OPCML: variants seen among roughly 807,000 people sequenced by gnomAD.
The protein encoded by OPCML is opioid binding protein/cell adhesion molecule like, also known as opioid-binding protein/cell adhesion molecule.
OPCML carries 13 observed loss-of-function variants against 37.8 expected under a neutral mutation model. The observed-to-expected ratio is 0.34, with a 90% CI of 0.22 to 0.55. The LOEUF is 0.55. OPCML is among the 20% of genes least tolerant of loss of function. The pLI, the probability that OPCML is intolerant of heterozygous loss-of-function variation, is 0.91. For synonymous variants in OPCML, 176 were observed against 168.8 expected, an observed-to-expected ratio of 1.04 and a Z score of -0.33; for missense variants, 341 against 435.6, an observed-to-expected ratio of 0.78 and a Z score of 1.93.
intron 1 of OPCML, among the ~76,000 whole-genome samples, chr11:133,226,445 A>T (rs1457708276): frequency 1.3e-5 from 2 of 152,162 alleles, no homozygotes; most frequent in Admixed American, 1.3e-4. Flanking sequence ...TACTATGACA[A>T]ACTCCTCCCA....
intron 4 of OPCML, among the ~76,000 whole-genome samples, chr11:132,465,721 C>A (rs1435873186): frequency 6.6e-6 from 1 of 152,106 alleles, no homozygotes; most frequent in Non-Finnish European, 1.5e-5. Flanking sequence ...GCTTTTATAA[C>A]TTCTGCACTT....
intron 1 of OPCML, among the ~76,000 whole-genome samples, chr11:133,231,651 G>A (rs1223048504): frequency 6.6e-6 from 1 of 152,136 alleles, no homozygotes; most frequent in African/African-American, 2.4e-5. Flanking sequence ...TGAGACCTTA[G>A]GCTCTGAAGT....
intron 3 of OPCML, among the ~76,000 whole-genome samples, chr11:132,623,194 G>T (rs1939527844): frequency 6.6e-6 from 1 of 152,092 alleles, no homozygotes; most frequent in Non-Finnish European, 1.5e-5. Flanking sequence ...TTTCTGAGCG[G>T]TAAAACCCCT....
chr11:132,511,848 A>C (rs1331683763), intron 4 of OPCML, among the ~76,000 whole-genome samples: 4 of 144,350 alleles, frequency 2.8e-5, no homozygotes, highest in Non-Finnish European at 4.7e-5. Context: ...TAAGTGTGAA[A>C]TATTGATAAA....
At chr11:133,127,907 G>T (rs1380304475) in intron 1 of OPCML, among the ~76,000 whole-genome samples, 2 of 152,054 alleles carry the variant, frequency 1.3e-5, no homozygotes, top group Non-Finnish European at 2.9e-5. Context: ...TGACGGGTCT[G>T]GTTGGCCAGC....
chr11:132,648,310 G>GAC (rs1185539292), intron 3 of OPCML, among the ~76,000 whole-genome samples: 3 of 152,114 alleles, frequency 2.0e-5, no homozygotes, highest in African/African-American at 7.2e-5. Flanking sequence ...TGTGGGAAAA[G>GAC]ACCTATTTAC....
Position 133,173,653 on chromosome 11 carries a change from G to A in OPCML, c.62-230643C>T, listed in dbSNP as rs753875654. Among the ~76,000 whole-genome samples the A allele has an allele frequency of 5.3e-5, 8 of 152,166 alleles. No individual in the cohort carries two copies. Among genetic ancestry groups the A allele is most frequent in the Non-Finnish European group, 1.0e-4 (7 of 68,030 alleles). On this transcript the variant is annotated intron_variant, in intron 1 of 7. Coordinates refer to ENST00000524381, the MANE Select transcript of OPCML (RefSeq NM_001012393.5). The surrounding 1 kb of genome is among the most constrained non-coding windows in gnomAD (Gnocchi z 7.8). ...TTAGCAGTAACGCGATGAGGCTAAC[G>A]TAAGGGTAGACACCTCCCTGCAGAT... is the stretch of plus-strand genomic sequence containing the variant.
At chr11:133,020,383 C>G (rs571705959) in intron 1 of OPCML, among the ~76,000 whole-genome samples, 1 of 152,316 alleles carries the variant, frequency 6.6e-6, no homozygotes, top group South Asian at 2.1e-4. Flanking sequence ...TCTGCTACAG[C>G]CCACTTCAAC....
chr11:132,691,899 A>G (rs1943418495), intron 2 of OPCML, among the ~76,000 whole-genome samples: 1 of 152,212 alleles, frequency 6.6e-6, no homozygotes, highest in South Asian at 2.1e-4. Context: ...TCTAAGCTCC[A>G]GTTGACAGTA....
intron 1 of OPCML, among the ~76,000 whole-genome samples, chr11:133,214,550 G>C (rs1939506672): frequency 6.6e-6 from 1 of 152,088 alleles, no homozygotes; most frequent in African/African-American, 2.4e-5. Flanking sequence ...TTTCAGACTG[G>C]TATTTTAAGG....
At chr11:133,371,789 A>G (rs1300025684) in intron 1 of OPCML, among the ~76,000 whole-genome samples, 3 of 152,192 alleles carry the variant, frequency 2.0e-5, no homozygotes, top group African/African-American at 7.2e-5. Context: ...TAATACTAAT[A>G]CAATGCTAAT....
At chr11:132,974,274 T>G (rs1178983344) in intron 1 of OPCML, among the ~76,000 whole-genome samples, 1 of 152,232 alleles carries the variant, frequency 6.6e-6, no homozygotes, top group Non-Finnish European at 1.5e-5. Context: ...CCTCCTCACT[T>G]CAGCCAAGTA....
At chr11:133,178,609 G>A (rs1024026135) in intron 1 of OPCML, among the ~76,000 whole-genome samples, 2 of 152,144 alleles carry the variant, frequency 1.3e-5, no homozygotes, top group East Asian at 1.9e-4. Flanking sequence ...TTGGAATGGA[G>A]ACAACCACTA....
chr11:132,693,842 C>A (rs2135897882), intron 2 of OPCML, among the ~76,000 whole-genome samples: 1 of 152,126 alleles, frequency 6.6e-6, no homozygotes, highest in South Asian at 2.1e-4. Context: ...AATCAAGGGC[C>A]ACCACGGAGA....
chr11:132,864,917 C>T (rs193241147), intron 2 of OPCML, among the ~76,000 whole-genome samples: 1 of 152,316 alleles, frequency 6.6e-6, no homozygotes, highest in East Asian at 1.9e-4. Flanking sequence ...GCCGGAAATG[C>T]CCTATGAGTG....
chr11:133,495,872 T>C (rs1947775344), intron 1 of OPCML, among the ~76,000 whole-genome samples: 2 of 152,206 alleles, frequency 1.3e-5, no homozygotes, highest in South Asian at 4.1e-4. Flanking sequence ...CTGCTGACTG[T>C]TCCTTTTGCC....
At position 133,072,062 on chromosome 11, in the gene OPCML, C is replaced by T. The variant is rs141139530; in HGVS notation, c.62-129052G>A. ...GATCATCGTGCACTTGTTTACCGTACTCAGACTCGGGCCACATGAAGTTAT... is the reference window on the plus strand; with the variant it reads ...GATCATCGTGCACTTGTTTACCGTATTCAGACTCGGGCCACATGAAGTTAT... On this transcript the variant is annotated intron_variant, in intron 1 of 7. Transcript: ENST00000524381. 1.5e-3 allele frequency among the ~76,000 whole-genome samples: 224 copies of T among 152,282 alleles called. 1 individual carries two copies. Among genetic ancestry groups the T allele is most frequent in the African/African-American group, 4.9e-3 (204 of 41,550 alleles).
chr11:132,584,118 T>TA (rs2137657655), intron 3 of OPCML, among the ~76,000 whole-genome samples: 1 of 152,238 alleles, frequency 6.6e-6, no homozygotes, highest in South Asian at 2.1e-4. Context: ...CAGGGCCATT[T>TA]AAAAAATTAC....
chr11:133,231,064 A>G (rs577859381), intron 1 of OPCML, among the ~76,000 whole-genome samples: 7 of 152,154 alleles, frequency 4.6e-5, no homozygotes, highest in Non-Finnish European at 1.0e-4. Flanking sequence ...CTAGCAGCAC[A>G]AGAGAATATC....
Sources: gnomAD v4.1 joint callset for allele counts (sites outside exome capture counted in the v4.1 genomes callset) on GRCh38, gnomAD v4.1.1 for gene constraint, Gnocchi (gnomAD v3.1) non-coding constraint, MANE v1.5 for transcripts, NCBI Gene and HGNC (gene_info 2026-07-23, HGNC 2026-07-21) for gene names.